The following CLCN6 variants were observed in gnomAD, a reference collection of about 807,000 sequenced individuals.
The protein encoded by CLCN6 is Cl-/H+ antiporter 6, also known as H(+)/Cl(-) exchange transporter 6.
A neutral mutation model predicts 109.8 loss-of-function variants in CLCN6; 70 were observed. The observed-to-expected ratio is 0.64, with a 90% CI of 0.53 to 0.78. The LOEUF (loss-of-function observed/expected upper bound fraction) is 0.78. CLCN6 is among the 30% of genes least tolerant of loss of function. The pLI is 0.00. For missense variants in CLCN6, 984 were observed against 1,142.3 expected (o/e 0.86, Z 2.00); for synonymous variants, 444 against 447.8 (o/e 0.99, Z 0.11).
At position 11,827,223 on chromosome 1, in the gene CLCN6, T is replaced by A. The variant is rs777483914; in HGVS notation, c.840+2T>A. ...AACCAAGGGCTCACGTGGAAAGTGG[T>A]GAGGAGGACCTTCAGTGAAAGCATT... On this transcript the variant is annotated splice_donor_variant, in intron 10 of 22. Transcript: ENST00000346436. LOFTEE classifies it high-confidence loss of function. 4.3e-6 allele frequency: 7 copies of A among 1,609,610 alleles called. No homozygotes were observed. In the Admixed American group the frequency reaches 1.2e-4, roughly 27 times the overall value.
In CLCN6 at chr1:11,809,264, C is replaced by T. The variant is rs193291585; in HGVS notation, c.147+2074C>T. Among the ~76,000 whole-genome samples the T allele has an allele frequency of 2.4e-3, 370 of 152,294 alleles. 3 individuals carry two copies. Among genetic ancestry groups the T allele is most frequent in the African/African-American group, 8.5e-3 (354 of 41,564 alleles). ...TGTTCTGTCACCTTGCACTCCCTCA[C>T]TGAACCCTGTTACATCATCCTGACT... On this transcript the variant is annotated intron_variant, in intron 2 of 22. Coordinates refer to ENST00000346436, the MANE Select transcript of CLCN6 (RefSeq NM_001286.5).
chr1:11,833,843 G>A (rs376958824), intron 14 of CLCN6, 34 bp from the exon 15 acceptor site: 51 of 1,594,550 alleles, frequency 3.2e-5, no homozygotes, highest in Admixed American at 1.6e-4. Context: ...GCAGGCATCC[G>A]GTAGTGGGAC....
chr1:11,812,732 G>T (rs796569734), intron 2 of CLCN6, among the ~76,000 whole-genome samples: 1 of 143,568 alleles, frequency 7.0e-6, no homozygotes, highest in Non-Finnish European at 1.5e-5. Context: ...CTCAGAAAAT[G>T]ATACCTGGAA....
chr1:11,837,282 C>T (rs1644962655), intron 19 of CLCN6, 61 bp from the exon 20 acceptor site: 3 of 1,589,764 alleles, frequency 1.9e-6, no homozygotes, highest in African/African-American at 1.3e-5. Flanking sequence ...GGGCTGGGAA[C>T]ATGGATCAGA....
intron 20 of CLCN6, 50 bp from the exon 21 acceptor site, chr1:11,838,285 T>G: frequency 6.5e-7 from 1 of 1,543,260 alleles, no homozygotes; most frequent in Non-Finnish European, 8.9e-7. Flanking sequence ...AAGGTGACCC[T>G]GCTGGCCACT....
chr1:11,832,359 A>G (rs1644892689), intron 13 of CLCN6, among the ~76,000 whole-genome samples: 1 of 152,352 alleles, frequency 6.6e-6, no homozygotes, highest in African/African-American at 2.4e-5. Flanking sequence ...AATTGCTAGG[A>G]TGTTTCTCAG....
At chr1:11,807,937 G>T (rs1014597469) in intron 2 of CLCN6, among the ~76,000 whole-genome samples, 4 of 151,898 alleles carry the variant, frequency 2.6e-5, no homozygotes, top group East Asian at 1.9e-4. Flanking sequence ...TGTATCATTA[G>T]GTAATTTTCC....
intron 5 of CLCN6, among the ~76,000 whole-genome samples, chr1:11,821,510 T>C (rs1048100420): frequency 1.3e-5 from 2 of 152,080 alleles, no homozygotes; most frequent in African/African-American, 4.8e-5. Context: ...GAGCCGAGAT[T>C]GCAACACTGT....
At chr1:11,810,373 A>C (rs1276209459) in intron 2 of CLCN6, among the ~76,000 whole-genome samples, 3 of 152,140 alleles carry the variant, frequency 2.0e-5, no homozygotes, top group Non-Finnish European at 4.4e-5. Flanking sequence ...TTTATATTGT[A>C]CCTTTGAATT....
intron 10 of CLCN6, 106 bp from the exon 11 acceptor site, chr1:11,828,000 A>T: frequency 3.8e-6 from 3 of 798,736 alleles, no homozygotes; most frequent in Non-Finnish European, 6.5e-6. Context: ...CCGGATGTAG[A>T]TTCCGGAGGT....
rs929060106 is a variant in CLCN6 at position 11,842,450 on chromosome 1, C to T, written c.*2227C>T. 6.5e-6 allele frequency: 1 copy of T among 152,680 alleles called. No individual in the cohort carries two copies. Among genetic ancestry groups the T allele is most frequent in the African/African-American group, 2.4e-5 (1 of 41,462 alleles). 9.5% of individuals were successfully genotyped at this position (152,680 alleles called of 1,614,324 possible). A position where few individuals can be genotyped will look rare whatever the true frequency, so the allele number is the denominator to read the frequency against. On this transcript the variant is annotated 3_prime_UTR_variant, in exon 23 of 23. Transcript: ENST00000346436. ...CTGCATCTGCGCTTTCCAGATAAGCCCAAAGACAGCAACTTCTCCACTCAT... is the reference window on the plus strand; with the variant it reads ...CTGCATCTGCGCTTTCCAGATAAGCTCAAAGACAGCAACTTCTCCACTCAT...
intron 13 of CLCN6, among the ~76,000 whole-genome samples, chr1:11,832,000 C>A (rs1184298946): frequency 6.6e-6 from 1 of 152,224 alleles, no homozygotes; most frequent in African/African-American, 2.4e-5. Flanking sequence ...ACTTCTAGGG[C>A]CTTATTCCCA....
chr1:11,820,114 T>C (rs1031732609), intron 5 of CLCN6, among the ~76,000 whole-genome samples: 3 of 152,218 alleles, frequency 2.0e-5, no homozygotes, highest in Non-Finnish European at 4.4e-5. Context: ...TGAATGACAG[T>C]TAATATTACA....
At position 11,828,139 on chromosome 1, in the gene CLCN6, A is replaced by G; in HGVS notation, c.874A>G (p.Asn292Asp). The change falls in exon 11 of 23, where the codon AAC becomes GAC. Residue 292 changes from asparagine (N) to aspartate (D), a missense_variant. By Grantham distance (23) the Asn-to-Asp change is conservative (BLOSUM62 1). Transcript: ENST00000346436. ...FCSMSATFTL[N>D]FFRSGIQFGS... ...TTCCATGTCTGCCACCTTCACCCTC[A>G]ACTTCTTCCGTTCTGGGATTCAGTT... is the stretch of plus-strand genomic sequence containing the variant. 1 of 1,614,062 alleles carries G rather than the reference A, an allele frequency of 6.2e-7. No homozygotes were observed. The highest frequency in any genetic ancestry group is 8.5e-7 in the Non-Finnish European group (1 of 1,179,994).
intron 3 of CLCN6, among the ~76,000 whole-genome samples, chr1:11,816,135 A>G (rs1010701881): frequency 2.0e-5 from 3 of 152,084 alleles, no homozygotes; most frequent in African/African-American, 7.2e-5. Context: ...GCAAGGTGCC[A>G]TTTTTCCAAT....
chr1:11,838,806 G>C, intron 22 of CLCN6, 146 bp downstream of exon 22: 1 of 1,207,328 alleles, frequency 8.3e-7, no homozygotes, highest in South Asian at 1.2e-5. Flanking sequence ...AACCCTGCTC[G>C]GCTTCCGTGC....
chr1:11,825,835 T>C (rs1226054538), intron 8 of CLCN6, among the ~76,000 whole-genome samples: 2 of 152,168 alleles, frequency 1.3e-5, no homozygotes, highest in African/African-American at 2.4e-5. Flanking sequence ...GTTGGCCAGG[T>C]TGGTCTCCAA....
At chr1:11,833,847 G>T (rs370344865) in intron 14 of CLCN6, 30 bp from the exon 15 acceptor site, 1 of 1,597,404 alleles carries the variant, frequency 6.3e-7, no homozygotes, top group Non-Finnish European at 8.5e-7. Context: ...GCATCCGGTA[G>T]TGGGACTCAG....
At chr1:11,816,059 G>A (rs970124449) in intron 3 of CLCN6, 148 bp downstream of exon 3, 21 of 625,556 alleles carry the variant, frequency 3.4e-5, no homozygotes, top group Admixed American at 6.1e-5. Context: ...TATGCGCTTT[G>A]CTTTATTTCA....
Sources: gnomAD v4.1 joint callset for allele counts (sites outside exome capture counted in the v4.1 genomes callset) on GRCh38, gnomAD v4.1.1 for gene constraint, MANE v1.5 for transcripts, NCBI Gene and HGNC (gene_info 2026-07-23, HGNC 2026-07-21) for gene names.